The following MAF variants were observed in gnomAD, a reference collection of about 807,000 sequenced individuals.
MAF encodes MAF bZIP transcription factor.
Under a neutral mutation model 22.0 loss-of-function variants are expected in MAF, and 10 were observed. The ratio of observed to expected loss-of-function variants is 0.45; its 90% CI spans 0.28 to 0.77. The LOEUF (loss-of-function observed/expected upper bound fraction) is 0.77, where lower values mean the gene tolerates loss of function less well. Among genes scored for constraint, MAF ranks in the 30% least tolerant of loss-of-function variants. MAF has a pLI of 0.12. For missense variants in MAF, 544 were observed against 548.4 expected, an observed-to-expected ratio of 0.99 and a Z score of 0.08; for synonymous variants, 337 against 255.8, an observed-to-expected ratio of 1.32 and a Z score of -3.03.
At chr16:79,411,947 A>T in the MAF span, among the ~76,000 whole-genome samples, 1 of 152,312 alleles carries the variant, frequency 6.6e-6, no homozygotes, top group Admixed American at 6.5e-5. Flanking sequence ...TCTGGATGGT[A>T]TGAAAGCTCC....
At chr16:79,416,239 G>A in the MAF span, among the ~76,000 whole-genome samples, 1 of 152,160 alleles carries the variant, frequency 6.6e-6, no homozygotes, top group Non-Finnish European at 1.5e-5. Flanking sequence ...CTCTGATTCT[G>A]TTGTGGTCTG....
At chr16:79,496,914 G>T in the MAF span, among the ~76,000 whole-genome samples, 1 of 152,086 alleles carries the variant, frequency 6.6e-6, no homozygotes, top group Non-Finnish European at 1.5e-5. Context: ...ACAATTTAAG[G>T]TTCTACACAG....
At chr16:79,227,188 G>A in the MAF span, among the ~76,000 whole-genome samples, 7 of 152,006 alleles carry the variant, frequency 4.6e-5, no homozygotes, top group African/African-American at 9.6e-5. Context: ...CTCAAATCCC[G>A]TCTCTACAAA....
At chr16:79,576,788 A>G in the MAF span, among the ~76,000 whole-genome samples, 1 of 152,106 alleles carries the variant, frequency 6.6e-6, no homozygotes, top group Non-Finnish European at 1.5e-5. Flanking sequence ...ATACATTATC[A>G]TATTTAATCC....
At chr16:79,519,346 A>T in the MAF span, among the ~76,000 whole-genome samples, 1 of 152,186 alleles carries the variant, frequency 6.6e-6, no homozygotes, top group Non-Finnish European at 1.5e-5. Context: ...ATGCAATTGC[A>T]ACTCCCAGAG....
chr16:79,587,545 A>G (rs890799273), intron 1 of MAF, among the ~76,000 whole-genome samples: 7 of 152,196 alleles, frequency 4.6e-5, no homozygotes, highest in Admixed American at 1.3e-4. Flanking sequence ...CGTTGCAAAC[A>G]TATGTTAAGC....
chr16:79,320,424 A>C, the MAF span, among the ~76,000 whole-genome samples: 1 of 152,238 alleles, frequency 6.6e-6, no homozygotes, highest in African/African-American at 2.4e-5. Flanking sequence ...TTCATGAGGC[A>C]GAGTGGGGAT....
chr16:79,244,017 C>T, the MAF span, among the ~76,000 whole-genome samples: 1 of 151,326 alleles, frequency 6.6e-6, no homozygotes, highest in African/African-American at 2.4e-5. Context: ...AATTCAACAA[C>T]CCTTCATGCT....
chr16:79,299,177 G>A, the MAF span, among the ~76,000 whole-genome samples: 1 of 152,036 alleles, frequency 6.6e-6, no homozygotes. Context: ...CTGGTTAATG[G>A]GCGACCTTTG....
chr16:79,240,918 C>A, the MAF span, among the ~76,000 whole-genome samples: 2 of 151,952 alleles, frequency 1.3e-5, no homozygotes, highest in Admixed American at 1.3e-4. Flanking sequence ...CTGGAGTGGA[C>A]CTCCAGCAAA....
At chr16:79,444,662 A>G in the MAF span, among the ~76,000 whole-genome samples, 1 of 152,238 alleles carries the variant, frequency 6.6e-6, no homozygotes, top group Non-Finnish European at 1.5e-5. Context: ...AGAAATGCTG[A>G]GACAGAGGCC....
At chr16:79,392,205 G>C in the MAF span, among the ~76,000 whole-genome samples, 1 of 147,938 alleles carries the variant, frequency 6.8e-6, no homozygotes, top group Non-Finnish European at 1.5e-5. Context: ...GACAAGAAGA[G>C]AGAGGAGAAA....
chr16:79,539,953 A>C, the MAF span, among the ~76,000 whole-genome samples: 10 of 152,256 alleles, frequency 6.6e-5, no homozygotes, highest in South Asian at 6.2e-4. Flanking sequence ...TGTAAGTATG[A>C]GATGATTTCT....
the MAF span, among the ~76,000 whole-genome samples, chr16:79,308,028 G>T: frequency 2.0e-5 from 3 of 152,198 alleles, no homozygotes; most frequent in East Asian, 5.8e-4. Flanking sequence ...CCACCTGCCT[G>T]TGCCTCAGTT....
At chr16:79,229,267 G>C in the MAF span, 1 of 151,730 alleles carries the variant, frequency 6.6e-6, no homozygotes, top group Non-Finnish European at 1.5e-5. Flanking sequence ...CCTTGGAAAC[G>C]GGTTTTGATG....
chr16:79,483,733 A>C, the MAF span, among the ~76,000 whole-genome samples: 2 of 152,168 alleles, frequency 1.3e-5, no homozygotes, highest in African/African-American at 4.8e-5. Flanking sequence ...GCAGGCATAG[A>C]GAGAGAGGGG....
chr16:79,517,599 G>C, the MAF span, among the ~76,000 whole-genome samples: 4 of 132,304 alleles, frequency 3.0e-5, no homozygotes, highest in East Asian at 8.9e-4. Flanking sequence ...TTTTGAGATG[G>C]AGTCTCGCTC....
At chr16:79,485,300 T>C in the MAF span, among the ~76,000 whole-genome samples, 1 of 152,142 alleles carries the variant, frequency 6.6e-6, no homozygotes, top group South Asian at 2.1e-4. Context: ...GTTTGAGGAG[T>C]AAATATGTTA....
At chr16:79,413,798 C>A in the MAF span, among the ~76,000 whole-genome samples, 1 of 152,208 alleles carries the variant, frequency 6.6e-6, no homozygotes, top group Non-Finnish European at 1.5e-5. Context: ...GCAACCCCTA[C>A]TCTGCCAGGG....
Sources: gnomAD v4.1 joint callset for allele counts (sites outside exome capture counted in the v4.1 genomes callset) on GRCh38, gnomAD v4.1.1 for gene constraint, MANE v1.5 for transcripts, NCBI Gene and HGNC (gene_info 2026-07-23, HGNC 2026-07-21) for gene names.